ZZZ3: variants seen among roughly 807,000 people sequenced by gnomAD.
The protein encoded by ZZZ3 is zinc finger ZZ-type containing 3.
In ZZZ3, 22 loss-of-function variants were observed where a neutral mutation model predicts 95.2. That is an observed-to-expected ratio of 0.23 (90% CI 0.17 to 0.33). ZZZ3 has a LOEUF of 0.33. Ranked by LOEUF, ZZZ3 falls within the 10% of genes least tolerant of loss-of-function variation. ZZZ3 has a pLI of 1.00. For missense variants in ZZZ3, 885 were observed against 1,066.5 expected, an observed-to-expected ratio of 0.83 and a Z score of 2.37; for synonymous variants, 335 against 358.9, an observed-to-expected ratio of 0.93 and a Z score of 0.75.
At chr1:77,676,708 A>G (rs559788558) in intron 1 of ZZZ3, among the ~76,000 whole-genome samples, 45 of 152,254 alleles carry the variant, frequency 3.0e-4, no homozygotes, top group Non-Finnish European at 6.2e-4. Context: ...GATATTAAAC[A>G]TATCACAGAA....
intron 5 of ZZZ3, among the ~76,000 whole-genome samples, chr1:77,623,745 A>G (rs183709045): frequency 6.6e-6 from 1 of 152,358 alleles, no homozygotes; most frequent in Admixed American, 6.5e-5. Context: ...TGAAAATTCA[A>G]TCACAGCACA....
chr1:77,601,189 AAAT>A (rs1664696406), intron 5 of ZZZ3, among the ~76,000 whole-genome samples: 2 of 152,154 alleles, frequency 1.3e-5, no homozygotes, highest in Admixed American at 1.3e-4. Context: ...GTCTAGACAA[AAAT>A]AATACCACAG....
In ZZZ3 at chr1:77,641,405, A is replaced by C; in HGVS notation, c.-227T>G. ...TTACAGCTGAGCTCTATCAGCATTA[A>C]GATAGACAGGATCCTGCAGTGTTTC... On this transcript the variant is annotated 5_prime_UTR_variant, in exon 3 of 15. Coordinates refer to ENST00000370801, the MANE Select transcript of ZZZ3 (RefSeq NM_015534.6). 1 of 394,226 alleles carries C rather than the reference A, an allele frequency of 2.5e-6. No homozygotes were observed. Among genetic ancestry groups the C allele is most frequent in the Non-Finnish European group, 4.5e-6 (1 of 223,594 alleles). The allele number at this position is 394,226 out of a possible 1,614,324, so 24.4% of individuals were successfully genotyped here. A position where few individuals can be genotyped will look rare whatever the true frequency, so the allele number is the denominator to read the frequency against.
chr1:77,629,029 T>C (rs1478713527), intron 5 of ZZZ3, among the ~76,000 whole-genome samples: 2 of 152,192 alleles, frequency 1.3e-5, no homozygotes, highest in African/African-American at 2.4e-5. Flanking sequence ...AACATCATTT[T>C]CAAACTGCCA....
intron 4 of ZZZ3, among the ~76,000 whole-genome samples, chr1:77,638,886 A>G (rs1668524380): frequency 1.3e-5 from 2 of 152,214 alleles, no homozygotes; most frequent in Admixed American, 1.3e-4. Flanking sequence ...AATTACCACC[A>G]TATCTATAAT....
intron 5 of ZZZ3, among the ~76,000 whole-genome samples, chr1:77,606,933 A>G (rs1665294577): frequency 6.6e-6 from 1 of 152,246 alleles, no homozygotes; most frequent in South Asian, 2.1e-4. Flanking sequence ...GTAGATGTCC[A>G]AGCATCTACT....
intron 1 of ZZZ3, among the ~76,000 whole-genome samples, chr1:77,655,565 C>T (rs778207569): frequency 6.6e-6 from 1 of 152,156 alleles, no homozygotes; most frequent in Non-Finnish European, 1.5e-5. Context: ...TGTTTATTTG[C>T]TACCCAGTCT....
intron 5 of ZZZ3, among the ~76,000 whole-genome samples, chr1:77,587,516 G>A (rs914573484): frequency 5.3e-5 from 8 of 151,980 alleles, no homozygotes; most frequent in Non-Finnish European, 1.2e-4. Context: ...CGCCCGCCTC[G>A]GCCTCCCAAA....
chr1:77,603,831 A>G (rs114661098), intron 5 of ZZZ3, among the ~76,000 whole-genome samples: 4,070 of 152,302 alleles, frequency 0.027, 82 homozygotes, highest in Middle Eastern at 0.1. Context: ...TAAAACTTTT[A>G]ACAACAAAAT....
chr1:77,594,146 C>T (rs780646643), intron 5 of ZZZ3, among the ~76,000 whole-genome samples: 68 of 152,226 alleles, frequency 4.5e-4, no homozygotes, highest in Non-Finnish European at 8.7e-4. Flanking sequence ...TAGAAGTATG[C>T]AAAGTTACTG....
rs75300012 is a variant in ZZZ3 at position 77,655,089 on chromosome 1, G to A, written c.-402-13434C>T. ...GCATCACAAGGTGAGAAGGCTGAGC[G>A]TGCTAATGTGCTAGCTCAGGTCTCT... On this transcript the variant is annotated intron_variant, in intron 1 of 14. Coordinates refer to ENST00000370801, the MANE Select transcript of ZZZ3 (RefSeq NM_015534.6). Among the ~76,000 whole-genome samples the A allele has an allele frequency of 8.3e-3, 1,259 of 152,272 alleles. 14 individuals are homozygous for A. The highest frequency in any genetic ancestry group is 0.029 in the African/African-American group (1,188 of 41,546).
intron 13 of ZZZ3, among the ~76,000 whole-genome samples, chr1:77,567,744 T>C (rs1285248258): frequency 6.6e-6 from 1 of 152,160 alleles, no homozygotes; most frequent in Non-Finnish European, 1.5e-5. Context: ...TAATGTGTAT[T>C]ACAAAATTCT....
At chr1:77,576,838 T>G (rs4949661) in intron 11 of ZZZ3, among the ~76,000 whole-genome samples, 3 of 151,890 alleles carry the variant, frequency 2.0e-5, no homozygotes, top group Admixed American at 6.6e-5. Flanking sequence ...TTGGGCCACA[T>G]TCAAAGCTGT....
At chr1:77,574,257 G>T (rs1389719933) in intron 12 of ZZZ3, among the ~76,000 whole-genome samples, 2 of 151,234 alleles carry the variant, frequency 1.3e-5, no homozygotes, top group East Asian at 3.9e-4. Flanking sequence ...TAATAGTAGT[G>T]TTGGTTATTA....
chr1:77,676,407 A>C (rs989646469), intron 1 of ZZZ3, among the ~76,000 whole-genome samples: 3 of 152,226 alleles, frequency 2.0e-5, no homozygotes, highest in East Asian at 1.9e-4. Context: ...GGCTGAAGCG[A>C]TCCTTCCACC....
At chr1:77,675,701 A>C (rs1398112363) in intron 1 of ZZZ3, among the ~76,000 whole-genome samples, 2 of 152,222 alleles carry the variant, frequency 1.3e-5, no homozygotes, top group African/African-American at 4.8e-5. Flanking sequence ...TGTAAACAGA[A>C]AACATTAAAG....
In ZZZ3 at chr1:77,633,021, C is replaced by T; in HGVS notation, c.334G>A (p.Val112Ile). 6.2e-7 allele frequency: 1 copy of T among 1,613,932 alleles called. No homozygotes were observed. ...ENCERRQTEP[V>I]SPVLKRIKRC... ...TTAATTCTTTTTAAAACTGGTGAAA[C>T]AGGTTCTGTTTGCCTTCTCTCACAA... Residue 112 changes from valine (V) to isoleucine (I), a missense_variant, in exon 5 of 15, where the codon GTT becomes ATT. This residue lies in a region of ZZZ3 where 556 missense variants were observed against 652.9 expected (regional missense o/e 0.85). Coordinates refer to ENST00000370801, the MANE Select transcript of ZZZ3 (RefSeq NM_015534.6).
chr1:77,592,940 A>T (rs1226199618), intron 5 of ZZZ3, among the ~76,000 whole-genome samples: 1 of 152,216 alleles, frequency 6.6e-6, no homozygotes, highest in Non-Finnish European at 1.5e-5. Flanking sequence ...CCACAAGAAG[A>T]TGGAAACCAG....
At chr1:77,655,515 G>T (rs1670190887) in intron 1 of ZZZ3, among the ~76,000 whole-genome samples, 2 of 152,124 alleles carry the variant, frequency 1.3e-5, no homozygotes, top group South Asian at 2.1e-4. Flanking sequence ...TCTGCCCTTG[G>T]ACTTTTCAAC....
Sources: allele counts gnomAD v4.1 joint callset (sites outside exome capture counted in the v4.1 genomes callset), GRCh38; gene constraint gnomAD v4.1.1; regional missense constraint gnomAD v4.1.1; transcripts MANE v1.5; gene names NCBI Gene and HGNC (gene_info 2026-07-23, HGNC 2026-07-21).